CEP170B: variants seen among roughly 807,000 people sequenced by gnomAD.
The protein encoded by CEP170B is centrosomal protein of 170 kDa protein B.
In CEP170B, 55 loss-of-function variants were observed where a neutral mutation model predicts 120.6. That is an observed-to-expected ratio of 0.46 (90% CI 0.37 to 0.57). The LOEUF is 0.57. CEP170B is among the 20% of genes least tolerant of loss of function. The pLI is 0.00. For missense variants in CEP170B, 2,212 were observed against 2,253.3 expected (o/e 0.98, Z 0.37); for synonymous variants, 1,033 against 954.5 (o/e 1.08, Z -1.52).
Position 104,896,584 on chromosome 14 carries a change from C to A in CEP170B, c.*1626C>A. The A allele has an allele frequency of 2.2e-6, 1 of 456,224 alleles. No homozygotes were observed. Among genetic ancestry groups the A allele is most frequent in the South Asian group, 1.5e-5 (1 of 64,552 alleles). 28.3% of individuals were successfully genotyped at this position (456,224 alleles called of 1,614,324 possible). A position where few individuals can be genotyped will look rare whatever the true frequency, so the allele number is the denominator to read the frequency against. ...CACACTGAGCTCCTTTGTTCCTCCC[C>A]CTCCAGCCTTTGCCTGGGAACTGGT... On this transcript the variant is annotated 3_prime_UTR_variant, in exon 19 of 19. Transcript: ENST00000414716.
rs1488017826 is a variant in CEP170B at position 104,891,241 on chromosome 14, G to A, written c.3878+1483G>A. Among the ~76,000 whole-genome samples, 2 of 152,146 alleles carry A rather than the reference G, an allele frequency of 1.3e-5. No individual in the cohort carries two copies. The highest frequency in any genetic ancestry group is 3.8e-4 in the East Asian group (2 of 5,198). On this transcript the variant is annotated intron_variant, in intron 13 of 18. Transcript: ENST00000414716. This position sits in a 1 kb window ranked among gnomAD's most constrained non-coding sequence, Gnocchi z 4.3. ...CCTCTCCAGGCCAGGCGCTGGGGAG[G>A]ATGGGGTAGGGAGTTGGGTGGGAGT...
chr14:104,890,393 GAT>G (rs1383628083), intron 13 of CEP170B, among the ~76,000 whole-genome samples: 1 of 137,098 alleles, frequency 7.3e-6, no homozygotes, highest in Non-Finnish European at 1.5e-5. Flanking sequence ...TGGATGAGTG[GAT>G]GGATGGATGG....
chr14:104,879,011 G>A (rs924630836), intron 5 of CEP170B, among the ~76,000 whole-genome samples: 2 of 152,182 alleles, frequency 1.3e-5, no homozygotes, highest in Admixed American at 6.5e-5. Context: ...AGAGGGCCCC[G>A]TTCAGAGGGC....
intron 6 of CEP170B, among the ~76,000 whole-genome samples, chr14:104,882,368 C>A (rs547771722): frequency 6.6e-6 from 1 of 152,112 alleles, no homozygotes; most frequent in Non-Finnish European, 1.5e-5. Context: ...TCGGGAAGGC[C>A]GGGGCAGGGT....
chr14:104,873,308 G>A (rs1895674363), intron 2 of CEP170B, among the ~76,000 whole-genome samples: 2 of 138,958 alleles, frequency 1.4e-5, no homozygotes, highest in South Asian at 5.3e-4. Flanking sequence ...GTGGGGTGGG[G>A]AAGGTGGGTG....
At chr14:104,885,665 C>T (rs1032084970) in intron 10 of CEP170B, 123 bp downstream of exon 10, 2 of 1,316,136 alleles carry the variant, frequency 1.5e-6, no homozygotes, top group South Asian at 2.9e-5. Context: ...GGGACACGCT[C>T]AGAGGAGGGT....
chr14:104,869,785 C>T (rs918991151), intron 2 of CEP170B, among the ~76,000 whole-genome samples: 10 of 152,344 alleles, frequency 6.6e-5, no homozygotes, highest in African/African-American at 1.9e-4. Flanking sequence ...ACAGGGCCCT[C>T]TCCAGACACC....
chr14:104,879,030 T>C (rs879718834), intron 5 of CEP170B, among the ~76,000 whole-genome samples: 2 of 151,968 alleles, frequency 1.3e-5, no homozygotes, highest in Non-Finnish European at 2.9e-5. Context: ...GCCAGGAGGG[T>C]ATAGAGCCCC....
chr14:104,891,332 G>T lies in CEP170B; in HGVS notation c.3878+1574G>T, dbSNP rs138786052. Reference sequence around the variant, plus strand: ...CAGTCCCTGAAAGGCTGTGGGGCAGGCAGGGGGGGTCCCAGGACCAGGGTG... The same window carrying T: ...CAGTCCCTGAAAGGCTGTGGGGCAGTCAGGGGGGGTCCCAGGACCAGGGTG... On this transcript the variant is annotated intron_variant, in intron 13 of 18. Transcript: ENST00000414716. This position sits in a 1 kb window ranked among gnomAD's most constrained non-coding sequence, Gnocchi z 4.3. Among the ~76,000 whole-genome samples the T allele has an allele frequency of 2.1e-3, 322 of 152,174 alleles. 4 individuals carry two copies. Among genetic ancestry groups the T allele is most frequent in the African/African-American group, 7.2e-3 (297 of 41,510 alleles).
In CEP170B at chr14:104,889,684, C is replaced by A. The variant is rs760547317; in HGVS notation, c.3804C>A (p.Asp1268Glu). ...RARSRAPGPR[D>E]TDDDEEEPDP... ...GTTCCCGGGCCCCCGGCCCCCGGGA[C>A]ACGGACGACGATGAGGAGGAGCCTG... is the stretch of plus-strand genomic sequence containing the variant. Residue 1268 changes from aspartate to glutamate, a missense_variant, in exon 13 of 19, where the codon GAC (aspartate) becomes GAA (glutamate). Physicochemically the swap from Asp to Glu is conservative, Grantham distance 45. Coordinates refer to ENST00000414716, the MANE Select transcript of CEP170B (RefSeq NM_001112726.3). 1 of 1,612,160 alleles carries A rather than the reference C, an allele frequency of 6.2e-7. No homozygotes were observed. Among genetic ancestry groups the A allele is most frequent in the Non-Finnish European group, 8.5e-7 (1 of 1,179,714 alleles).
chr14:104,866,887 C>A (rs983642891), intron 1 of CEP170B, among the ~76,000 whole-genome samples: 1 of 152,124 alleles, frequency 6.6e-6, no homozygotes, highest in African/African-American at 2.4e-5. Flanking sequence ...TCCCCTTCTC[C>A]TCTGCTCCAC....
In CEP170B at chr14:104,870,913, G is replaced by T. The variant is rs60644250; in HGVS notation, c.105+2358G>T. Among the ~76,000 whole-genome samples, 5,397 of 152,066 alleles carry T rather than the reference G, an allele frequency of 0.035. 328 individuals carry two copies. The highest frequency in any genetic ancestry group is 0.12 in the African/African-American group (5,144 of 41,432). The stretch of plus-strand genomic sequence containing the variant: ...AGGCTGTCTGCCTCCCGGTGCCCCT[G>T]CAGCGGCCTCCTACCTGCCCACCGC... On this transcript the variant is annotated intron_variant, in intron 2 of 18. Transcript: ENST00000414716. This position sits in a 1 kb window ranked among gnomAD's most constrained non-coding sequence, Gnocchi z 4.1.
rs1026792934 is a variant in CEP170B, at chr14:104,867,347, C to T, written c.-27-1077C>T. ...CCTGGAGGCTGCCTCCCAGTGAGCC[C>T]CCATCCCCGCCCTGCCTCTGTGTTC... On this transcript the variant is annotated intron_variant, in intron 1 of 18. Coordinates refer to ENST00000414716, the MANE Select transcript of CEP170B (RefSeq NM_001112726.3). This position sits in a 1 kb window ranked among gnomAD's most constrained non-coding sequence, Gnocchi z 5.4. Among the ~76,000 whole-genome samples the T allele has an allele frequency of 1.3e-5, 2 of 152,214 alleles. No homozygotes were observed. Among genetic ancestry groups the T allele is most frequent in the Non-Finnish European group, 2.9e-5 (2 of 68,026 alleles).
intron 10 of CEP170B, 113 bp from the exon 11 acceptor site, chr14:104,885,927 C>A: frequency 1.1e-6 from 1 of 932,700 alleles, no homozygotes; most frequent in Non-Finnish European, 1.6e-6. Context: ...CTGGGTGGCG[C>A]GCATGCGTGG....
chr14:104,883,783 G>C, intron 8 of CEP170B, 48 bp from the exon 9 acceptor site: 1 of 1,472,078 alleles, frequency 6.8e-7, no homozygotes, highest in Non-Finnish European at 9.1e-7. Flanking sequence ...ATCGACAGCT[G>C]TTTCCTTTCT....
Position 104,870,114 on chromosome 14 carries a change from G to T in CEP170B, c.105+1559G>T, listed in dbSNP as rs2140621963. Reference sequence around the variant, plus strand: ...GAGTCGGCAAATGTTTTCTACAAGGGCCTGGTAAAGATTTTAGGTTTTATG... The same window carrying T: ...GAGTCGGCAAATGTTTTCTACAAGGTCCTGGTAAAGATTTTAGGTTTTATG... On this transcript the variant is annotated intron_variant, in intron 2 of 18. Coordinates refer to ENST00000414716, the MANE Select transcript of CEP170B (RefSeq NM_001112726.3). This position sits in a 1 kb window ranked among gnomAD's most constrained non-coding sequence, Gnocchi z 4.1. Among the ~76,000 whole-genome samples, 1 of 152,314 alleles carries T rather than the reference G, an allele frequency of 6.6e-6. No homozygotes were observed. Among genetic ancestry groups the T allele is most frequent in the South Asian group, 2.1e-4 (1 of 4,828 alleles).
rs1895424881 is a variant in CEP170B at position 104,870,601 on chromosome 14, G to C, written c.105+2046G>C. Among the ~76,000 whole-genome samples, 1 of 152,142 alleles carries C rather than the reference G, an allele frequency of 6.6e-6. No homozygotes were observed. On this transcript the variant is annotated intron_variant, in intron 2 of 18. Coordinates refer to ENST00000414716, the MANE Select transcript of CEP170B (RefSeq NM_001112726.3). The surrounding 1 kb of genome is among the most constrained non-coding windows in gnomAD (Gnocchi z 4.1). Reference sequence around the variant, plus strand: ...TGGGTGCTCTTCCTGCCCCACCCCTGCACCAGGCCTGCTCTGCCTGCTTCT... The same window carrying C: ...TGGGTGCTCTTCCTGCCCCACCCCTCCACCAGGCCTGCTCTGCCTGCTTCT...
At position 104,896,361 on chromosome 14, in the gene CEP170B, G is replaced by T. The variant is rs969629037; in HGVS notation, c.*1403G>T. 1 of 341,638 alleles carries T rather than the reference G, an allele frequency of 2.9e-6. No homozygotes were observed. The allele number at this position is 341,638 out of a possible 1,614,324, so 21.2% of individuals were successfully genotyped here. A position where few individuals can be genotyped will look rare whatever the true frequency, so the allele number is the denominator to read the frequency against. On this transcript the variant is annotated 3_prime_UTR_variant, in exon 19 of 19. Coordinates refer to ENST00000414716, the MANE Select transcript of CEP170B (RefSeq NM_001112726.3). ...CGGGGGTGGCAGGTGTCCCCCCCTG[G>T]TCCCCGCCCCAAGAGCCTGCTGTCT...
At chr14:104,890,363 T>TTG (rs748710486) in intron 13 of CEP170B, among the ~76,000 whole-genome samples, 9 of 108,172 alleles carry the variant, frequency 8.3e-5, no homozygotes, top group South Asian at 3.3e-4. Context: ...GATGGATGGA[T>TTG]GAGTGGGTGG....
Sources: gnomAD v4.1 joint callset for allele counts (sites outside exome capture counted in the v4.1 genomes callset) on GRCh38, gnomAD v4.1.1 for gene constraint, Gnocchi (gnomAD v3.1) non-coding constraint, MANE v1.5 for transcripts, NCBI Gene and HGNC (gene_info 2026-07-23, HGNC 2026-07-21) for gene names.